Variants in PLEKHA2 observed in about 807,000 individuals in gnomAD.
PLEKHA2 encodes pleckstrin homology domain containing A2.
Under a neutral mutation model 53.2 loss-of-function variants are expected in PLEKHA2, and 28 were observed. The observed-to-expected ratio is 0.53, with a 90% CI of 0.39 to 0.72. The LOEUF is 0.72. Among genes scored for constraint, PLEKHA2 ranks in the 30% least tolerant of loss-of-function variants. The probability of loss-of-function intolerance (pLI) is 0.00; values close to 1 mark genes in which losing one functional copy is unlikely to be tolerated. For missense variants in PLEKHA2, 426 were observed against 537.9 expected (o/e 0.79, Z 2.06); for synonymous variants, 193 against 196.4 (o/e 0.98, Z 0.14).
intron 4 of PLEKHA2, 117 bp from the exon 5 acceptor site, chr8:38,946,007 T>C (rs901668340): frequency 2.6e-6 from 2 of 759,876 alleles, no homozygotes; most frequent in South Asian, 3.5e-5. Context: ...TTTCTTGTTC[T>C]GCTTTGTGGA....
At chr8:38,918,408 GAC>G (rs1248463155) in intron 2 of PLEKHA2, among the ~76,000 whole-genome samples, 1 of 136,856 alleles carries the variant, frequency 7.3e-6, no homozygotes, top group African/African-American at 2.8e-5. Context: ...ACATACCACA[GAC>G]ACATACACAC....
intron 9 of PLEKHA2, among the ~76,000 whole-genome samples, chr8:38,954,196 A>G (rs1350383859): frequency 6.6e-6 from 1 of 152,192 alleles, no homozygotes; most frequent in Non-Finnish European, 1.5e-5. Context: ...TGAAGGCACA[A>G]ACAGTCTTGC....
intron 9 of PLEKHA2, among the ~76,000 whole-genome samples, 179 bp from the exon 10 acceptor site, chr8:38,957,144 T>C (rs1050335507): frequency 6.6e-6 from 1 of 151,976 alleles, no homozygotes; most frequent in African/African-American, 2.4e-5. Context: ...CTCTAGGAAA[T>C]GAAGCTAGAG....
intron 10 of PLEKHA2, among the ~76,000 whole-genome samples, chr8:38,960,062 G>A (rs1835014495): frequency 6.6e-6 from 1 of 152,136 alleles, no homozygotes; most frequent in Non-Finnish European, 1.5e-5. Flanking sequence ...CAGCAATTTG[G>A]GAAACACGAA....
rs752689735 is a variant in PLEKHA2, at chr8:38,918,089, AG to A, written c.141+23del. ...CCCCCAGGTGAGAGGGTCAGTGGGAAGGGGTGGGGCGACTGGGTGCCCATCA... is the reference window on the plus strand; with the variant it reads ...CCCCCAGGTGAGAGGGTCAGTGGGAAGGGTGGGGCGACTGGGTGCCCATCA... On this transcript the variant is annotated intron_variant, in intron 2 of 11. Coordinates refer to ENST00000617275, the MANE Select transcript of PLEKHA2 (RefSeq NM_021623.2). 10 of 1,609,516 alleles carry A rather than the reference AG, an allele frequency of 6.2e-6. No individual in the cohort carries two copies. In the African/African-American group the frequency reaches 1.3e-4, roughly 21 times the overall value.
intron 11 of PLEKHA2, 106 bp downstream of exon 11, chr8:38,968,775 C>A: frequency 9.7e-7 from 1 of 1,026,328 alleles, no homozygotes; most frequent in Non-Finnish European, 1.5e-6. Flanking sequence ...TCCCGAGGTG[C>A]AGCTGAAGCC....
chr8:38,922,881 G>T lies in PLEKHA2; in HGVS notation c.141+4811G>T, dbSNP rs140908420. Among the ~76,000 whole-genome samples, 1 of 152,128 alleles carries T rather than the reference G, an allele frequency of 6.6e-6. No individual in the cohort carries two copies. Among genetic ancestry groups the T allele is most frequent in the Admixed American group, 6.5e-5 (1 of 15,268 alleles). On this transcript the variant is annotated intron_variant, in intron 2 of 11. Coordinates refer to ENST00000617275, the MANE Select transcript of PLEKHA2 (RefSeq NM_021623.2). This position sits in a 1 kb window ranked among gnomAD's most constrained non-coding sequence, Gnocchi z 4.0. ...TGGTTGTGCAGGTGGTAAATGCAGC[G>T]CTGGAGCCAGGTCCATCGACTCAAG... is the stretch of plus-strand genomic sequence containing the variant.
In PLEKHA2 at chr8:38,950,877, A is replaced by G; in HGVS notation, c.373A>G (p.Thr125Ala). 1 of 1,613,836 alleles carries G rather than the reference A, an allele frequency of 6.2e-7. No individual in the cohort carries two copies. Among genetic ancestry groups the G allele is most frequent in the Non-Finnish European group, 8.5e-7 (1 of 1,179,812 alleles). Residue 125 changes from threonine (T) to alanine (A), a missense_variant, in exon 6 of 12, where the codon ACC (threonine) becomes GCC (alanine). Thr to Ala is a moderately conservative substitution (Grantham distance 58, BLOSUM62 0). Coordinates refer to ENST00000617275, the MANE Select transcript of PLEKHA2 (RefSeq NM_021623.2). ...TCCCAAAGGTGGGGGCCTACCCATG[A>G]CCACTGAAGTTCTCAAGAGCTTAGC... ...TVPKGGGLPM[T>A]TEVLKSLAAP... is the part of the protein sequence containing the mutation.
intron 1 of PLEKHA2, among the ~76,000 whole-genome samples, chr8:38,916,067 C>G (rs1424222947): frequency 6.6e-5 from 10 of 152,108 alleles, no homozygotes; most frequent in Non-Finnish European, 1.3e-4. Context: ...CCTCCAGCTC[C>G]TGAGTTCAAG....
intron 5 of PLEKHA2, among the ~76,000 whole-genome samples, chr8:38,947,815 G>A (rs968959909): frequency 2.6e-5 from 4 of 151,930 alleles, no homozygotes; most frequent in African/African-American, 4.8e-5. Flanking sequence ...CTGGCCAGGC[G>A]CGGTGGCTCA....
chr8:38,968,717 C>G (rs1254768531), intron 11 of PLEKHA2, 48 bp downstream of exon 11: 1 of 1,593,512 alleles, frequency 6.3e-7, no homozygotes, highest in African/African-American at 1.3e-5. Context: ...GAGATGAATT[C>G]CTCTCAAGCA....
chr8:38,953,557 G>T (rs1834885330), intron 9 of PLEKHA2, among the ~76,000 whole-genome samples, 190 bp downstream of exon 9: 1 of 152,186 alleles, frequency 6.6e-6, no homozygotes, highest in African/African-American at 2.4e-5. Flanking sequence ...GGGCACACTT[G>T]CCCTCTTCCC....
At chr8:38,967,157 T>G (rs1458604474) in intron 10 of PLEKHA2, among the ~76,000 whole-genome samples, 3 of 152,218 alleles carry the variant, frequency 2.0e-5, no homozygotes. Flanking sequence ...CCATTATACA[T>G]ATGGACACCA....
At chr8:38,932,935 C>T (rs1422766660) in intron 2 of PLEKHA2, among the ~76,000 whole-genome samples, 2 of 152,132 alleles carry the variant, frequency 1.3e-5, no homozygotes, top group Non-Finnish European at 2.9e-5. Context: ...CCCCTGGGGT[C>T]CCTGGGCCTG....
intron 5 of PLEKHA2, among the ~76,000 whole-genome samples, chr8:38,946,723 C>G (rs1418700938): frequency 6.6e-6 from 1 of 152,160 alleles, no homozygotes; most frequent in Non-Finnish European, 1.5e-5. Context: ...ATGGACTGTC[C>G]TACGAGTGTG....
At chr8:38,958,930 A>C (rs555937219) in intron 10 of PLEKHA2, among the ~76,000 whole-genome samples, 7 of 152,248 alleles carry the variant, frequency 4.6e-5, no homozygotes, top group African/African-American at 1.7e-4. Flanking sequence ...GATGGAGCAC[A>C]GGGGAGTTTG....
At chr8:38,918,422 C>T (rs1001483110) in intron 2 of PLEKHA2, among the ~76,000 whole-genome samples, 9 of 148,108 alleles carry the variant, frequency 6.1e-5, no homozygotes, top group South Asian at 4.3e-4. Context: ...CATACACACA[C>T]CACACACACC....
At chr8:38,945,052 G>A (rs116474013) in intron 4 of PLEKHA2, among the ~76,000 whole-genome samples, 3,986 of 152,280 alleles carry the variant, frequency 0.026, 62 homozygotes, top group Middle Eastern at 0.054. Context: ...TGACATGTTG[G>A]GGGATGGTGT....
chr8:38,928,901 C>T (rs771739852), intron 2 of PLEKHA2, among the ~76,000 whole-genome samples: 4 of 152,110 alleles, frequency 2.6e-5, no homozygotes, highest in Non-Finnish European at 5.9e-5. Context: ...GGTAGAGCCA[C>T]GGCCCAGGTC....
Sources: gnomAD v4.1 joint callset for allele counts (sites outside exome capture counted in the v4.1 genomes callset) on GRCh38, gnomAD v4.1.1 for gene constraint, Gnocchi (gnomAD v3.1) non-coding constraint, MANE v1.5 for transcripts, NCBI Gene and HGNC (gene_info 2026-07-23, HGNC 2026-07-21) for gene names.